The following AKAP6 variants were observed in gnomAD, a reference collection of about 807,000 sequenced individuals.
AKAP6 encodes A-kinase anchoring protein 6, also known as A-kinase anchor protein 6.
A neutral mutation model predicts 188.5 loss-of-function variants in AKAP6; 58 were observed. The observed-to-expected ratio is 0.31, with a 90% confidence interval of 0.25 to 0.38. AKAP6 has a LOEUF of 0.38. Ranked by LOEUF, AKAP6 falls within the 10% of genes least tolerant of loss-of-function variation. The probability of loss-of-function intolerance (pLI) is 1.00; values close to 1 mark genes in which losing one functional copy is unlikely to be tolerated. For missense variants in AKAP6, 2,710 were observed against 2,740.0 expected, an observed-to-expected ratio of 0.99 and a Z score of 0.24; for synonymous variants, 989 against 998.6, an observed-to-expected ratio of 0.99 and a Z score of 0.18.
intron 12 of AKAP6, among the ~76,000 whole-genome samples, chr14:32,816,806 G>A (rs756038784): frequency 3.3e-5 from 5 of 152,014 alleles, no homozygotes; most frequent in Non-Finnish European, 7.4e-5. Flanking sequence ...TTATTTATAT[G>A]TTATTGTTGT....
At chr14:32,559,991 G>C (rs1422766368) in intron 4 of AKAP6, among the ~76,000 whole-genome samples, 1 of 152,032 alleles carries the variant, frequency 6.6e-6, no homozygotes, top group Non-Finnish European at 1.5e-5. Flanking sequence ...ATAAAATTTT[G>C]TGGCTGTTTT....
rs529211135 is a variant in AKAP6, at chr14:32,567,177, T to A, written c.2347-9943T>A. 7.9e-5 allele frequency among the ~76,000 whole-genome samples: 12 copies of A among 152,282 alleles called. 1 individual carries two copies. The South Asian group carries it at 2.5e-3, about 32-fold the overall frequency. ...CTCAAATGATCCTCCTGCTTTGGCCTCCCAAAGTGCTGGGATGACAGGCAT... is the reference window on the plus strand; with the variant it reads ...CTCAAATGATCCTCCTGCTTTGGCCACCCAAAGTGCTGGGATGACAGGCAT... On this transcript the variant is annotated intron_variant, in intron 4 of 13. Coordinates refer to ENST00000280979, the MANE Select transcript of AKAP6 (RefSeq NM_004274.5).
chr14:32,414,993 A>G (rs1431972291), intron 1 of AKAP6, among the ~76,000 whole-genome samples: 2 of 152,224 alleles, frequency 1.3e-5, no homozygotes, highest in Non-Finnish European at 2.9e-5. Context: ...GCATAGAGCT[A>G]ATGGATCTGA....
At chr14:32,378,712 C>A (rs1380715471) in intron 1 of AKAP6, among the ~76,000 whole-genome samples, 1 of 152,170 alleles carries the variant, frequency 6.6e-6, no homozygotes, top group Non-Finnish European at 1.5e-5. Context: ...AAACTAGTAA[C>A]TGCTTTTTAG....
chr14:32,698,317 A>G (rs1016777873), intron 9 of AKAP6, among the ~76,000 whole-genome samples: 3 of 152,154 alleles, frequency 2.0e-5, no homozygotes, highest in Admixed American at 1.3e-4. Flanking sequence ...CCAGGAATCA[A>G]CTGAACTGAT....
intron 4 of AKAP6, among the ~76,000 whole-genome samples, chr14:32,549,487 G>A (rs897217965): frequency 6.6e-6 from 1 of 152,142 alleles, no homozygotes; most frequent in Non-Finnish European, 1.5e-5. Context: ...AGCTGTCCTG[G>A]TTGGAAGGTT....
At chr14:32,453,575 CTTTTTTTTTTTTTTTTTTTTTTT>C (rs71115071) in intron 2 of AKAP6, among the ~76,000 whole-genome samples, 5 of 95,354 alleles carry the variant, frequency 5.2e-5, no homozygotes, top group South Asian at 4.4e-4. Flanking sequence ...TTTTTCTTTT[CTTTTTTTTTTTTTTTTTTTTTTT>C]TTTTTTTTTT....
intron 3 of AKAP6, among the ~76,000 whole-genome samples, chr14:32,540,222 C>G (rs972557091): frequency 9.2e-6 from 1 of 108,678 alleles, no homozygotes; most frequent in African/African-American, 3.7e-5. Context: ...TTTTTGAGAA[C>G]AAGTCTCACT....
intron 4 of AKAP6, among the ~76,000 whole-genome samples, chr14:32,563,791 A>G (rs1227015220): frequency 1.3e-5 from 2 of 152,134 alleles, no homozygotes; most frequent in Admixed American, 6.5e-5. Flanking sequence ...TGGCCCAATA[A>G]TTTTAGTTAA....
rs1890309663 is a variant in AKAP6, at chr14:32,694,371, A to G, written c.2880-1619A>G. Among the ~76,000 whole-genome samples the G allele has an allele frequency of 1.2e-4, 7 of 56,988 alleles. No homozygotes were observed. The Admixed American group carries it at 1.5e-3, about 12-fold the overall frequency. The allele number at this position is 56,988 out of a possible 152,430, so 37.4% of individuals were successfully genotyped here. A position where few individuals can be genotyped will look rare whatever the true frequency, so the allele number is the denominator to read the frequency against. On this transcript the variant is annotated intron_variant, in intron 8 of 13. Coordinates refer to ENST00000280979, the MANE Select transcript of AKAP6 (RefSeq NM_004274.5). ...GTGAGACTCCGTCTCAAAAAAAAAA[A>G]CAAAAAAAAGCGTGGTCCATGGACC...
chr14:32,432,719 G>A (rs995368628), intron 1 of AKAP6, among the ~76,000 whole-genome samples: 1 of 152,146 alleles, frequency 6.6e-6, no homozygotes, highest in African/African-American at 2.4e-5. Flanking sequence ...GCTGTCCCAC[G>A]TATTGAATAT....
rs1369658698 is a variant in AKAP6 at position 32,520,396 on chromosome 14, A to G, written c.325-15158A>G. ...ACACAAAAAACCCTTCAAAAAATCA[A>G]TGAATCCAGGAGCTGGTTTTTTGAA... On this transcript the variant is annotated intron_variant, in intron 2 of 13. Coordinates refer to ENST00000280979, the MANE Select transcript of AKAP6 (RefSeq NM_004274.5). 4.6e-5 allele frequency among the ~76,000 whole-genome samples: 7 copies of G among 152,316 alleles called. No homozygotes were observed. In the South Asian group the frequency reaches 6.2e-4, roughly 14 times the overall value.
intron 12 of AKAP6, among the ~76,000 whole-genome samples, chr14:32,801,561 G>A (rs1396550974): frequency 3.3e-5 from 5 of 152,232 alleles, no homozygotes; most frequent in Middle Eastern, 3.4e-3. Flanking sequence ...TAAGAGAACT[G>A]AAAGATTTGA....
intron 2 of AKAP6, 40 bp from the exon 3 acceptor site, chr14:32,535,514 G>A (rs1360957347): frequency 2.5e-6 from 4 of 1,587,908 alleles, no homozygotes; most frequent in Non-Finnish European, 3.4e-6. Flanking sequence ...CCAGGATAAG[G>A]CAAAGTAGTC....
Position 32,724,707 on chromosome 14 carries a change from G to A in AKAP6, c.3001-7747G>A, listed in dbSNP as rs76955329. Among the ~76,000 whole-genome samples the A allele has an allele frequency of 7.3e-3, 1,117 of 152,128 alleles. 14 individuals carry two copies. Among genetic ancestry groups the A allele is most frequent in the African/African-American group, 0.026 (1,072 of 41,496 alleles). On this transcript the variant is annotated intron_variant, in intron 9 of 13. Transcript: ENST00000280979. Reference sequence around the variant, plus strand: ...TTCAAAACAGGCAAAATTTATAATAGAGTCAAATCAGGACTGAATGCATCA... The same window carrying A: ...TTCAAAACAGGCAAAATTTATAATAAAGTCAAATCAGGACTGAATGCATCA...
chr14:32,593,860 TG>T (rs558609787), intron 5 of AKAP6, among the ~76,000 whole-genome samples: 1 of 152,128 alleles, frequency 6.6e-6, no homozygotes, highest in African/African-American at 2.4e-5. Context: ...ATTTATGTTT[TG>T]GGGGGTCCTC....
chr14:32,423,391 G>T (rs11848644), intron 1 of AKAP6, among the ~76,000 whole-genome samples: 4,305 of 152,008 alleles, frequency 0.028, 197 homozygotes, highest in African/African-American at 0.098. Context: ...TGTTTTCCAG[G>T]CTGGTCTTGA....
At chr14:32,581,533 A>C (rs1884965901) in intron 5 of AKAP6, among the ~76,000 whole-genome samples, 1 of 152,090 alleles carries the variant, frequency 6.6e-6, no homozygotes, top group South Asian at 2.1e-4. Context: ...AGCTGAGTTC[A>C]ATTCCTGGGT....
At chr14:32,339,652 G>A (rs1371908363) in intron 1 of AKAP6, among the ~76,000 whole-genome samples, 1 of 152,090 alleles carries the variant, frequency 6.6e-6, no homozygotes, top group African/African-American at 2.4e-5. Context: ...TTGATGGATT[G>A]GTGGAATTTG....
Sources: gnomAD v4.1 joint callset for allele counts (sites outside exome capture counted in the v4.1 genomes callset) on GRCh38, gnomAD v4.1.1 for gene constraint, MANE v1.5 for transcripts, NCBI Gene and HGNC (gene_info 2026-07-23, HGNC 2026-07-21) for gene names.